The following VPS13C variants were observed in gnomAD, a reference collection of about 807,000 sequenced individuals.
VPS13C encodes intermembrane lipid transfer protein VPS13C.
Under a neutral mutation model 456.8 loss-of-function variants are expected in VPS13C, and 358 were observed. That is an observed-to-expected ratio of 0.78 (90% CI 0.72 to 0.86). The LOEUF (loss-of-function observed/expected upper bound fraction) is 0.86, where lower values mean the gene tolerates loss of function less well. Ranked by LOEUF, VPS13C falls within the 40% of genes least tolerant of loss-of-function variation. The probability of loss-of-function intolerance (pLI) is 0.00; values close to 1 mark genes in which losing one functional copy is unlikely to be tolerated. For synonymous variants in VPS13C, 1,578 were observed against 1,486.7 expected, an observed-to-expected ratio of 1.06 and a Z score of -1.41; for missense variants, 4,818 against 4,385.4, an observed-to-expected ratio of 1.10 and a Z score of -2.79.
chr15:61,988,363 A>C (rs1444670880), intron 18 of VPS13C, among the ~76,000 whole-genome samples: 1 of 152,214 alleles, frequency 6.6e-6, no homozygotes, highest in Non-Finnish European at 1.5e-5. Context: ...TGCCTCAACC[A>C]AATTTTAAAG....
intron 27 of VPS13C, among the ~76,000 whole-genome samples, chr15:61,971,933 C>G (rs138814691): frequency 1.3e-5 from 2 of 152,252 alleles, no homozygotes; most frequent in East Asian, 3.9e-4. Flanking sequence ...CAATAAGGAA[C>G]ACCTCCATTT....
intron 16 of VPS13C, among the ~76,000 whole-genome samples, chr15:61,996,735 G>A (rs2046395059): frequency 6.6e-6 from 1 of 151,578 alleles, no homozygotes; most frequent in African/African-American, 2.4e-5. Flanking sequence ...CCCAGGATGG[G>A]TTCAATAGCA....
chr15:61,962,478 T>G lies in VPS13C; in HGVS notation c.3496A>C (p.Thr1166Pro). The G allele has an allele frequency of 6.2e-7, 1 of 1,611,976 alleles. No individual in the cohort carries two copies. The highest frequency in any genetic ancestry group is 1.3e-5 in the African/African-American group (1 of 74,986). ...ATGTCAGTATACAAATCCCCCTCAGTAGCATCTGGATACAAATCCAAATTA... is the reference window on the plus strand; with the variant it reads ...ATGTCAGTATACAAATCCCCCTCAGGAGCATCTGGATACAAATCCAAATTA... ...RFNLDLYPDA[T>P]EGDLYTDMSK... Residue 1166 changes from threonine to proline, a missense_variant, in exon 34 of 85, where the codon ACT (threonine) becomes CCT (proline). Around this residue, in one of 3 missense-constraint regions of VPS13C, gnomAD observed 4,552 missense variants for 4,130.6 expected, o/e 1.10. Transcript: ENST00000644861.
chr15:61,988,392 C>T (rs2046124210), intron 18 of VPS13C, among the ~76,000 whole-genome samples: 1 of 152,078 alleles, frequency 6.6e-6, no homozygotes, highest in Non-Finnish European at 1.5e-5. Flanking sequence ...ACCAATCCAA[C>T]AAAAGATGTT....
chr15:62,018,803 A>T (rs2047352553), intron 9 of VPS13C, among the ~76,000 whole-genome samples: 1 of 152,142 alleles, frequency 6.6e-6, no homozygotes, highest in Non-Finnish European at 1.5e-5. Flanking sequence ...TGGACTCATA[A>T]AATGAGTTAG....
intron 12 of VPS13C, among the ~76,000 whole-genome samples, 163 bp from the exon 13 acceptor site, chr15:62,010,762 C>A (rs2047010848): frequency 6.6e-6 from 1 of 152,144 alleles, no homozygotes. Context: ...TAAGCTTCTA[C>A]TTATATGCAT....
rs150220235 is a variant in VPS13C, at chr15:61,927,233, G to A, written c.6374C>T (p.Ala2125Val). 5.6e-6 allele frequency: 9 copies of A among 1,614,078 alleles called. No homozygotes were observed. The highest frequency in any genetic ancestry group is 2.7e-5 in the African/African-American group (2 of 74,926). The change falls in exon 52 of 85, where the codon GCT becomes GTT. Residue 2125 changes from alanine (A) to valine (V), a missense_variant. Around this residue, in one of 3 missense-constraint regions of VPS13C, gnomAD observed 4,552 missense variants for 4,130.6 expected, o/e 1.10. Transcript: ENST00000644861. Reference protein sequence around the residue: ...VFVASLTKADAPALTASFQCN... With the variant: ...VFVASLTKADVPALTASFQCN... Reference sequence around the variant, plus strand: ...CTGAAACGAGGCTGTCAGAGCAGGAGCATCAGCCTTTGTCAGGCTGGCAAC... The same window carrying A: ...CTGAAACGAGGCTGTCAGAGCAGGAACATCAGCCTTTGTCAGGCTGGCAAC...
intron 13 of VPS13C, among the ~76,000 whole-genome samples, chr15:62,009,959 G>C (rs111863782): frequency 6.6e-6 from 1 of 152,046 alleles, no homozygotes; most frequent in South Asian, 2.1e-4. Context: ...AGGCCGAGGC[G>C]GGCAGATCAT....
Position 61,867,337 on chromosome 15 carries a change from G to A in VPS13C, c.10863+1322C>T. ...GCAACAGTACCAAGGGGTTAAATAGGAAAAAGAGGGAAGAGGAAACATATC... is the reference window on the plus strand; with the variant it reads ...GCAACAGTACCAAGGGGTTAAATAGAAAAAAGAGGGAAGAGGAAACATATC... On this transcript the variant is annotated intron_variant, in intron 81 of 84. Coordinates refer to ENST00000644861, the MANE Select transcript of VPS13C (RefSeq NM_020821.3). The surrounding 1 kb of genome is among the most constrained non-coding windows in gnomAD (Gnocchi z 5.0). 1.0e-6 allele frequency: 1 copy of A among 985,170 alleles called. No individual in the cohort carries two copies. Among genetic ancestry groups the A allele is most frequent in the Non-Finnish European group, 1.2e-6 (1 of 829,780 alleles). 61.0% of individuals were successfully genotyped at this position (985,170 alleles called of 1,614,324 possible).
chr15:62,006,327 T>A (rs993249337), intron 15 of VPS13C, among the ~76,000 whole-genome samples: 3 of 152,102 alleles, frequency 2.0e-5, no homozygotes, highest in African/African-American at 7.2e-5. Flanking sequence ...ATTGTTCAAT[T>A]CCCACCTATG....
intron 28 of VPS13C, 65 bp downstream of exon 28, chr15:61,969,234 T>A (rs1378312249): frequency 8.9e-7 from 1 of 1,128,344 alleles, no homozygotes; most frequent in African/African-American, 1.6e-5. Flanking sequence ...TAAATGAAAG[T>A]GTTTCAGATA....
intron 73 of VPS13C, 112 bp from the exon 74 acceptor site, chr15:61,878,858 G>C (rs747948018): frequency 2.6e-5 from 30 of 1,136,106 alleles, no homozygotes; most frequent in Non-Finnish European, 3.3e-5. Context: ...TAGAGTCCTA[G>C]TGAAAGCTAT....
intron 9 of VPS13C, among the ~76,000 whole-genome samples, chr15:62,020,017 A>G (rs915231369): frequency 6.6e-6 from 1 of 151,246 alleles, no homozygotes. Flanking sequence ...GTCTACTGTT[A>G]AAGACCATTA....
Position 62,060,411 on chromosome 15 carries a change from A to G in VPS13C, c.-37T>C. On this transcript the variant is annotated 5_prime_UTR_variant, in exon 1 of 85. Coordinates refer to ENST00000644861, the MANE Select transcript of VPS13C (RefSeq NM_020821.3). Reference sequence around the variant, plus strand: ...GGCACAAGGAGAGGGAGGAGCCGGAACCGCCCGGCGCAGCTGAGGGCTGCG... The same window carrying G: ...GGCACAAGGAGAGGGAGGAGCCGGAGCCGCCCGGCGCAGCTGAGGGCTGCG... 8.6e-7 allele frequency: 1 copy of G among 1,163,968 alleles called. No homozygotes were observed. Among genetic ancestry groups the G allele is most frequent in the Non-Finnish European group, 1.2e-6 (1 of 800,986 alleles). The allele number at this position is 1,163,968 out of a possible 1,614,324, so 72.1% of individuals were successfully genotyped here. A position where few individuals can be genotyped will look rare whatever the true frequency, so the allele number is the denominator to read the frequency against.
intron 9 of VPS13C, among the ~76,000 whole-genome samples, chr15:62,015,956 A>C (rs1342567377): frequency 1.1e-5 from 1 of 92,000 alleles, no homozygotes; most frequent in Non-Finnish European, 2.4e-5. Context: ...TAAAAAAAGA[A>C]GTCCAAAAAA....
chr15:61,922,825 T>G (rs1319876617), intron 53 of VPS13C, 63 bp from the exon 54 acceptor site: 37 of 1,304,072 alleles, frequency 2.8e-5, no homozygotes, highest in Non-Finnish European at 3.6e-5. Flanking sequence ...AATATATACA[T>G]ACATGATTTT....
intron 19 of VPS13C, 73 bp downstream of exon 19, chr15:61,984,784 C>A: frequency 6.8e-7 from 1 of 1,460,996 alleles, no homozygotes; most frequent in South Asian, 1.2e-5. Context: ...CATTTTTAAA[C>A]CTGAATAACA....
intron 66 of VPS13C, among the ~76,000 whole-genome samples, chr15:61,901,992 C>A (rs1467369548): frequency 6.6e-6 from 1 of 151,614 alleles, no homozygotes; most frequent in African/African-American, 2.4e-5. Flanking sequence ...AATCATCATT[C>A]TCAGCAAACT....
intron 59 of VPS13C, 56 bp from the exon 60 acceptor site, chr15:61,917,691 C>T (rs151098120): frequency 6.5e-7 from 1 of 1,544,108 alleles, no homozygotes; most frequent in South Asian, 1.2e-5. Context: ...TAAAAAAAAG[C>T]ATCTCATTAA....
Sources: gnomAD v4.1 joint callset for allele counts (sites outside exome capture counted in the v4.1 genomes callset) on GRCh38, gnomAD v4.1.1 for gene constraint, gnomAD v4.1.1 regional missense constraint, Gnocchi (gnomAD v3.1) non-coding constraint, MANE v1.5 for transcripts, NCBI Gene and HGNC (gene_info 2026-07-23, HGNC 2026-07-21) for gene names.